FBXO34: variants seen among roughly 807,000 people sequenced by gnomAD.
FBXO34 encodes the protein F-box only protein 34.
FBXO34 carries 12 observed loss-of-function variants against 24.5 expected under a neutral mutation model. The ratio of observed to expected loss-of-function variants is 0.49; its 90% CI spans 0.31 to 0.79. The LOEUF (loss-of-function observed/expected upper bound fraction) is 0.79, where lower values mean the gene tolerates loss of function less well. Ranked by LOEUF, FBXO34 falls within the 30% of genes least tolerant of loss-of-function variation. The probability of loss-of-function intolerance (pLI) is 0.04; values close to 1 mark genes in which losing one functional copy is unlikely to be tolerated. For synonymous variants in FBXO34, 320 were observed against 311.9 expected, an observed-to-expected ratio of 1.03 and a Z score of -0.27; for missense variants, 823 against 857.7, an observed-to-expected ratio of 0.96 and a Z score of 0.51.
intron 1 of FBXO34, chr14:55,282,308 ACT>A: frequency 2.2e-6 from 1 of 451,842 alleles, no homozygotes; most frequent in South Asian, 1.6e-5. Flanking sequence ...TAGCTTTTTG[ACT>A]CTGTGCTTGT....
In FBXO34 at chr14:55,352,292, G is replaced by A. The variant is rs570992846; in HGVS notation, c.1902G>A (p.Gln634=). The A allele has an allele frequency of 7.0e-5, 113 of 1,614,120 alleles. 1 individual carries two copies. In the South Asian group the frequency reaches 9.7e-4, roughly 14 times the overall value. ...DPRYREDPCK[Q]CKKKYVKGDV... Reference sequence around the variant, plus strand: ...GCTATAGAGAGGATCCTTGCAAACAGTGCAAGAAAAAGTATGTGAAAGGGG... The same window carrying A: ...GCTATAGAGAGGATCCTTGCAAACAATGCAAGAAAAAGTATGTGAAAGGGG... The change falls in exon 2 of 2, where the codon CAG becomes CAA. Residue 634 remains glutamine (Q), a synonymous_variant. Coordinates refer to ENST00000313833, the MANE Select transcript of FBXO34 (RefSeq NM_017943.4).
intron 1 of FBXO34, among the ~76,000 whole-genome samples, chr14:55,306,074 A>G (rs78516060): frequency 0.015 from 2,217 of 152,376 alleles, 62 homozygotes; most frequent in African/African-American, 0.05. Context: ...TATAATACAT[A>G]GTCCTCCTCT....
chr14:55,274,800 C>T (rs1233845249), intron 1 of FBXO34, among the ~76,000 whole-genome samples: 1 of 152,118 alleles, frequency 6.6e-6, no homozygotes, highest in African/African-American at 2.4e-5. Context: ...TGGGAGAAAA[C>T]ATACTTATCT....
At chr14:55,369,852 A>G (rs778057786), downstream of FBXO34, 16 of 1,613,858 alleles carry the variant, frequency 9.9e-6, 1 homozygote, top group East Asian at 3.6e-4. Flanking sequence ...CTCTCATCTG[A>G]TTCTCCAGCA....
chr14:55,385,737 T>C, the FBXO34 span: 1 of 894,842 alleles, frequency 1.1e-6, no homozygotes, highest in Non-Finnish European at 1.7e-6. Context: ...ATAAGACTTA[T>C]GTTCCATCAC....
intron 1 of FBXO34, among the ~76,000 whole-genome samples, chr14:55,300,779 C>CT (rs753860623): frequency 2.0e-5 from 3 of 152,152 alleles, no homozygotes; most frequent in Non-Finnish European, 4.4e-5. Flanking sequence ...GTTCAAAAGT[C>CT]TGTGTAATGA....
At chr14:55,363,024 T>TCTG (rs1555340685), downstream of FBXO34, among the ~76,000 whole-genome samples, 5 of 54,714 alleles carry the variant, frequency 9.1e-5, no homozygotes, top group East Asian at 2.0e-3. Flanking sequence ...TCTCTCTCTC[T>TCTG]TTTTTTTTTT....
chr14:55,435,980 T>TAAA, the FBXO34 span: 14,513 of 859,054 alleles, frequency 0.017, 7 homozygotes, highest in East Asian at 0.024. Context: ...ATATAAAGAG[T>TAAA]AAAAAAAAAA....
At chr14:55,429,924 A>C in the FBXO34 span, among the ~76,000 whole-genome samples, 1 of 152,074 alleles carries the variant, frequency 6.6e-6, no homozygotes, top group Non-Finnish European at 1.5e-5. Context: ...GTCCAAAACA[A>C]CCACATGAAA....
chr14:55,421,922 AT>A, the FBXO34 span, among the ~76,000 whole-genome samples: 2 of 152,200 alleles, frequency 1.3e-5, no homozygotes, highest in Non-Finnish European at 2.9e-5. Context: ...AAAAGTCTCA[AT>A]TTTTTTAGAT....
chr14:55,414,408 G>A, the FBXO34 span: 1 of 1,609,070 alleles, frequency 6.2e-7, no homozygotes, highest in Non-Finnish European at 8.5e-7. Context: ...TTTAGAATAG[G>A]ATAGATGTTT....
chr14:55,309,287 G>C (rs1318455167), intron 1 of FBXO34, among the ~76,000 whole-genome samples: 1 of 152,090 alleles, frequency 6.6e-6, no homozygotes, highest in African/African-American at 2.4e-5. Context: ...GGACACTGCT[G>C]GTTTTTTTGC....
At chr14:55,275,748 C>T (rs191139090) in intron 1 of FBXO34, among the ~76,000 whole-genome samples, 72 of 144,740 alleles carry the variant, frequency 5.0e-4, no homozygotes, top group African/African-American at 1.8e-3. Flanking sequence ...GGTGTGAACC[C>T]GGAAGGCAGA....
At chr14:55,359,962 C>G (rs1884571713) in intron 3 of FBXO34, among the ~76,000 whole-genome samples, 1 of 151,848 alleles carries the variant, frequency 6.6e-6, no homozygotes. Flanking sequence ...TGCCAATAGT[C>G]CCAACTAGTT....
rs1056851095 is a variant in FBXO34 at position 55,351,948 on chromosome 14, G to A, written c.1558G>A (p.Ala520Thr). Residue 520 changes from alanine (A) to threonine (T), a missense_variant, in exon 2 of 2, where the codon GCA becomes ACA. Transcript: ENST00000313833. ...TGAAGATGCTGCTGGGGGTGACAGT[G>A]CATCTGAGGAAAAAAGTGGGTCTGC... is the stretch of plus-strand genomic sequence containing the variant. ...QLEDAAGGDS[A>T]SEEKSGSAEP... 6.2e-7 allele frequency: 1 copy of A among 1,614,150 alleles called. No homozygotes were observed. The highest frequency in any genetic ancestry group is 1.7e-5 in the Admixed American group (1 of 60,024).
the FBXO34 span, among the ~76,000 whole-genome samples, chr14:55,382,682 G>A: frequency 6.6e-6 from 1 of 152,166 alleles, no homozygotes; most frequent in African/African-American, 2.4e-5. Flanking sequence ...GTAGATAAGA[G>A]CTTGCTATCA....
At chr14:55,374,055 A>T (rs1884873048), downstream of FBXO34, among the ~76,000 whole-genome samples, 1 of 152,238 alleles carries the variant, frequency 6.6e-6, no homozygotes, top group Non-Finnish European at 1.5e-5. Context: ...AGCCTACAGA[A>T]AACTTCAGAC....
chr14:55,437,663 C>G, the FBXO34 span, among the ~76,000 whole-genome samples: 132 of 152,296 alleles, frequency 8.7e-4, no homozygotes, highest in African/African-American at 3.0e-3. Context: ...TTGTTGTATA[C>G]TTTGAAGAGA....
downstream of FBXO34, among the ~76,000 whole-genome samples, chr14:55,363,658 A>G (rs904797500): frequency 2.6e-5 from 4 of 152,078 alleles, no homozygotes; most frequent in African/African-American, 9.7e-5. Flanking sequence ...AGCTTGTTCA[A>G]CCGGTGGCCC....
Sources: gnomAD v4.1 joint callset for allele counts (sites outside exome capture counted in the v4.1 genomes callset) on GRCh38, gnomAD v4.1.1 for gene constraint, MANE v1.5 for transcripts, NCBI Gene and HGNC (gene_info 2026-07-23, HGNC 2026-07-21) for gene names.